CISTR: variants seen among roughly 807,000 people sequenced by gnomAD.
CISTR encodes chondrogenic regulator lncRNA.
At chr12:53,747,030 T>C (rs2120729335) in intron 2 of CISTR, among the ~76,000 whole-genome samples, 1 of 152,334 alleles carries the variant, frequency 6.6e-6, no homozygotes, top group South Asian at 2.1e-4. Flanking sequence ...AAGTGGATAG[T>C]GGAGACAAGG....
chr12:53,755,796 C>T (rs978352199), intron 1 of CISTR: 18 of 152,434 alleles, frequency 1.2e-4, no homozygotes, highest in African/African-American at 4.1e-4. Context: ...AATCACCTCT[C>T]CCAGAAAGGA....
In CISTR at chr12:53,753,337, G is replaced by A. The variant is rs371266452; in HGVS notation, n.415-2372C>T. Among the ~76,000 whole-genome samples, 12 of 152,262 alleles carry A rather than the reference G, an allele frequency of 7.9e-5. No individual in the cohort carries two copies. In the South Asian group the frequency reaches 1.5e-3, roughly 18 times the overall value. On this transcript the variant is annotated intron_variant and non_coding_transcript_variant, in intron 1 of 2. Transcript: ENST00000669269. Reference sequence around the variant, plus strand: ...GGCTCATGGTAAGATGAGGCTGGTCGTCAAGACCAACCAAGAGGCATGGAG... The same window carrying A: ...GGCTCATGGTAAGATGAGGCTGGTCATCAAGACCAACCAAGAGGCATGGAG...
chr12:53,755,286 C>T (rs537945019), intron 1 of CISTR, among the ~76,000 whole-genome samples: 62 of 149,854 alleles, frequency 4.1e-4, no homozygotes, highest in African/African-American at 1.2e-3. Context: ...AGTTGAGAGA[C>T]GGCTTTCCTT....
chr12:53,749,271 G>GA (rs1325391568), intron 2 of CISTR, among the ~76,000 whole-genome samples: 1 of 150,340 alleles, frequency 6.7e-6, no homozygotes, highest in African/African-American at 2.5e-5. Flanking sequence ...GGTGGAGAAA[G>GA]AAATATGATG....
chr12:53,747,635 C>T (rs1028487278), intron 2 of CISTR, among the ~76,000 whole-genome samples: 7 of 151,834 alleles, frequency 4.6e-5, no homozygotes, highest in Non-Finnish European at 7.4e-5. Context: ...GGTGGTGGGT[C>T]GGGAGGCATA....
At chr12:53,753,978 G>C (rs114262702) in intron 1 of CISTR, among the ~76,000 whole-genome samples, 1 of 152,228 alleles carries the variant, frequency 6.6e-6, no homozygotes, top group African/African-American at 2.4e-5. Flanking sequence ...CTCGTGGGGC[G>C]TGAAGATGAA....
chr12:53,748,023 G>A (rs1937802528), intron 2 of CISTR, among the ~76,000 whole-genome samples: 1 of 152,158 alleles, frequency 6.6e-6, no homozygotes, highest in African/African-American at 2.4e-5. Context: ...GGGTGGGAGA[G>A]GGGGCCCTTG....
intron 1 of CISTR, among the ~76,000 whole-genome samples, chr12:53,755,477 A>C (rs1445887956): frequency 6.6e-6 from 1 of 152,162 alleles, no homozygotes; most frequent in South Asian, 2.1e-4. Flanking sequence ...TCTTTAGTGG[A>C]GGTATTATCT....
In CISTR at chr12:53,751,238, C is replaced by T. The variant is rs1937846633; in HGVS notation, n.415-273G>A. ...GCCGCCCCTCCTCTGAGCCCTGCGG[C>T]CCGGCCTTCCGCACCTCCCAACGCC... is the stretch of plus-strand genomic sequence containing the variant. On this transcript the variant is annotated intron_variant and non_coding_transcript_variant, in intron 1 of 2. Coordinates refer to ENST00000669269, the Ensembl canonical transcript of CISTR. The surrounding 1 kb of genome is among the most constrained non-coding windows in gnomAD (Gnocchi z 4.6). Among the ~76,000 whole-genome samples, 1 of 152,206 alleles carries T rather than the reference C, an allele frequency of 6.6e-6. No individual in the cohort carries two copies. Among genetic ancestry groups the T allele is most frequent in the African/African-American group, 2.4e-5 (1 of 41,460 alleles).
intron 1 of CISTR, among the ~76,000 whole-genome samples, chr12:53,753,404 T>G (rs1937880095): frequency 6.6e-6 from 1 of 152,056 alleles, no homozygotes; most frequent in South Asian, 2.1e-4. Context: ...GTTGAGTTGG[T>G]CAGGAGCAGC....
At position 53,756,495 on chromosome 12, in the gene CISTR, C is replaced by T. The variant is rs544013590; in HGVS notation, n.414+319G>A. 5.8e-4 allele frequency among the ~76,000 whole-genome samples: 89 copies of T among 152,284 alleles called. 1 individual carries two copies. Among genetic ancestry groups the T allele is most frequent in the African/African-American group, 2.0e-3 (82 of 41,554 alleles). ...TAGGCCTTGAAATCCTGGGCTCAGG[C>T]GATCCTCCTGCCTCAGCCTTCCAAA... On this transcript the variant is annotated intron_variant and non_coding_transcript_variant, in intron 1 of 2. Transcript: ENST00000669269. The surrounding 1 kb of genome is among the most constrained non-coding windows in gnomAD (Gnocchi z 4.0).
At chr12:53,750,265 CA>C (rs1350364195) in intron 2 of CISTR, among the ~76,000 whole-genome samples, 1 of 152,116 alleles carries the variant, frequency 6.6e-6, no homozygotes, top group Admixed American at 6.5e-5. Flanking sequence ...GAGAGGTGTG[CA>C]AAGAGAAACC....
intron 1 of CISTR, among the ~76,000 whole-genome samples, chr12:53,753,667 T>G (rs369342921): frequency 0.012 from 408 of 34,158 alleles, 3 homozygotes; most frequent in Middle Eastern, 0.045. Context: ...TGCATAGGGG[T>G]GTGTGTGTGT....
At chr12:53,752,265 C>T (rs1937862228) in intron 1 of CISTR, among the ~76,000 whole-genome samples, 1 of 152,208 alleles carries the variant, frequency 6.6e-6, no homozygotes, top group African/African-American at 2.4e-5. Context: ...GGGCATTGCT[C>T]CCGCACCCTA....
intron 2 of CISTR, among the ~76,000 whole-genome samples, chr12:53,749,589 A>C (rs1937823446): frequency 6.6e-6 from 1 of 151,970 alleles, no homozygotes; most frequent in Non-Finnish European, 1.5e-5. Flanking sequence ...TTTAAGTACA[A>C]AGAACCTATT....
At chr12:53,755,317 G>GTT (rs1937902798) in intron 1 of CISTR, among the ~76,000 whole-genome samples, 1 of 151,292 alleles carries the variant, frequency 6.6e-6, no homozygotes, top group Admixed American at 6.6e-5. Context: ...GGGTGTGTGT[G>GTT]TGTGTGTGTG....
chr12:53,752,652 G>A (rs1937867663), intron 1 of CISTR, among the ~76,000 whole-genome samples: 1 of 152,116 alleles, frequency 6.6e-6, no homozygotes, highest in African/African-American at 2.4e-5. Context: ...AGGGTTTTGA[G>A]GAGAGAAAAA....
At chr12:53,754,661 T>C (rs978149814) in intron 1 of CISTR, among the ~76,000 whole-genome samples, 1 of 152,208 alleles carries the variant, frequency 6.6e-6, no homozygotes, top group African/African-American at 2.4e-5. Context: ...GCTTTAAAAA[T>C]CATCCTCCTC....
rs549688043 is a variant in CISTR, at chr12:53,748,165, G to A, written n.1064-1317C>T. Among the ~76,000 whole-genome samples the A allele has an allele frequency of 2.0e-5, 3 of 152,262 alleles. No individual in the cohort carries two copies. In the South Asian group the frequency reaches 6.2e-4, roughly 32 times the overall value. On this transcript the variant is annotated intron_variant and non_coding_transcript_variant, in intron 2 of 2. Transcript: ENST00000669269. ...TCCATTTGGAGTGTGGAGAATGTTC[G>A]ATGAGGAGGAGAATGCTGCAGTCAG...
Sources: allele counts gnomAD v4.1 joint callset (sites outside exome capture counted in the v4.1 genomes callset), GRCh38; gene constraint gnomAD v4.1.1; non-coding constraint Gnocchi (gnomAD v3.1); transcripts MANE v1.5; gene names NCBI Gene and HGNC (gene_info 2026-07-23, HGNC 2026-07-21).